APLF: variants seen among roughly 807,000 people sequenced by gnomAD.
APLF encodes the protein aprataxin and PNK-like factor.
A neutral mutation model predicts 55.6 loss-of-function variants in APLF; 61 were observed. The ratio of observed to expected loss-of-function variants is 1.10; its 90% CI spans 0.89 to 1.36. The LOEUF (loss-of-function observed/expected upper bound fraction) is 1.36. Among genes scored for constraint, APLF ranks in the 40% most tolerant of loss-of-function variants. The pLI is 0.00. For missense variants in APLF, 611 were observed against 602.5 expected (o/e 1.01, Z -0.15); for synonymous variants, 207 against 214.8 (o/e 0.96, Z 0.32).
chr2:68,499,014 T>TAA (rs201129000), intron 2 of APLF, among the ~76,000 whole-genome samples: 3,841 of 147,702 alleles, frequency 0.026, 65 homozygotes, highest in South Asian at 0.044. Flanking sequence ...CTTATTTTGT[T>TAA]AAAAAAAAAA....
At chr2:68,549,155 T>C (rs575652615) in intron 8 of APLF, among the ~76,000 whole-genome samples, 2 of 152,206 alleles carry the variant, frequency 1.3e-5, no homozygotes, top group African/African-American at 4.8e-5. Context: ...TCTTAACTTA[T>C]TTAATCAATA....
At chr2:68,572,829 ACT>A (rs1671505265) in intron 9 of APLF, among the ~76,000 whole-genome samples, 1 of 151,434 alleles carries the variant, frequency 6.6e-6, no homozygotes, top group Admixed American at 6.6e-5. Context: ...ACAGAGCAAC[ACT>A]CTGTCTCAAC....
At chr2:68,520,937 A>G (rs955501986) in intron 5 of APLF, among the ~76,000 whole-genome samples, 9 of 151,910 alleles carry the variant, frequency 5.9e-5, no homozygotes, top group African/African-American at 2.2e-4. Flanking sequence ...TGTTGATTCT[A>G]CCGATCCATA....
chr2:68,504,177 C>A (rs193213066), intron 3 of APLF, among the ~76,000 whole-genome samples: 6 of 152,004 alleles, frequency 3.9e-5, no homozygotes, highest in Non-Finnish European at 8.8e-5. Flanking sequence ...AAATTGAATT[C>A]ATAATTTAAG....
intron 8 of APLF, among the ~76,000 whole-genome samples, chr2:68,565,176 A>G (rs879871289): frequency 2.6e-5 from 4 of 151,934 alleles, no homozygotes; most frequent in Non-Finnish European, 5.9e-5. Flanking sequence ...TATCTCGGAA[A>G]ATAGATTTCA....
chr2:68,524,768 A>G (rs1174107056), intron 5 of APLF, among the ~76,000 whole-genome samples: 2 of 152,364 alleles, frequency 1.3e-5, no homozygotes, highest in Admixed American at 1.3e-4. Flanking sequence ...GCACAGTTGA[A>G]GGTACTGGAG....
chr2:68,503,179 G>C (rs11893497), intron 3 of APLF, among the ~76,000 whole-genome samples: 23,525 of 152,088 alleles, frequency 0.15, 4,056 homozygotes, highest in African/African-American at 0.43. Flanking sequence ...CCATTGTATT[G>C]AGAATGTATT....
At chr2:68,556,008 C>T (rs1670998833) in intron 8 of APLF, among the ~76,000 whole-genome samples, 1 of 152,164 alleles carries the variant, frequency 6.6e-6, no homozygotes. Context: ...TGATGGAATA[C>T]TACTCAACTG....
chr2:68,563,452 A>AACATTCCCAGT, intron 8 of APLF: 1 of 769,006 alleles, frequency 1.3e-6, no homozygotes, highest in Non-Finnish European at 1.6e-6. Context: ...GCAACTGGGA[A>AACATTCCCAGT]TGTTTTCCAG....
intron 8 of APLF, among the ~76,000 whole-genome samples, chr2:68,559,016 T>A (rs149236444): frequency 1.4e-4 from 21 of 152,340 alleles, no homozygotes; most frequent in African/African-American, 5.0e-4. Flanking sequence ...CAGTGTCTAG[T>A]TAATCTTTAG....
At chr2:68,526,298 A>C (rs1670044158) in intron 6 of APLF, 56 bp downstream of exon 6, 2 of 1,540,420 alleles carry the variant, frequency 1.3e-6, no homozygotes, top group East Asian at 2.3e-5. Flanking sequence ...TTTAGATAGA[A>C]ATTAATCATA....
At position 68,545,177 on chromosome 2, in the gene APLF, GC is replaced by G; in HGVS notation, c.1161-7del. ...TTTTTTTTCTGACAGTATATTTGTC[GC>G]CCTCCTAGGAAGAATCCTGTTCATT... On this transcript the variant is annotated splice_polypyrimidine_tract_variant and intron_variant, in intron 7 of 9. Transcript: ENST00000303795. 1 of 1,608,572 alleles carries G rather than the reference GC, an allele frequency of 6.2e-7. No individual in the cohort carries two copies. The highest frequency in any genetic ancestry group is 8.5e-7 in the Non-Finnish European group (1 of 1,177,624).
intron 6 of APLF, among the ~76,000 whole-genome samples, chr2:68,537,265 C>G (rs1035342528): frequency 1.3e-5 from 2 of 151,196 alleles, no homozygotes; most frequent in Non-Finnish European, 2.9e-5. Flanking sequence ...CAAATGAAAG[C>G]AAATGTCTTC....
intron 3 of APLF, among the ~76,000 whole-genome samples, chr2:68,510,157 T>G (rs1001252067): frequency 1.3e-5 from 2 of 151,744 alleles, no homozygotes; most frequent in Non-Finnish European, 2.9e-5. Context: ...ACATGGCACA[T>G]GTATACATAT....
At chr2:68,526,360 C>T (rs1670046427) in intron 6 of APLF, 118 bp downstream of exon 6, 1 of 1,415,144 alleles carries the variant, frequency 7.1e-7, no homozygotes, top group African/African-American at 1.4e-5. Context: ...TTTATGAAGA[C>T]AAAACTAGCC....
At chr2:68,552,146 G>A (rs956060989) in intron 8 of APLF, among the ~76,000 whole-genome samples, 1 of 152,036 alleles carries the variant, frequency 6.6e-6, no homozygotes, top group Non-Finnish European at 1.5e-5. Context: ...TTGAGGGGAG[G>A]CTAGTTATGT....
intron 5 of APLF, among the ~76,000 whole-genome samples, chr2:68,525,742 CTTTTTTTTTT>C (rs386390398): frequency 7.3e-5 from 6 of 82,036 alleles, no homozygotes; most frequent in Admixed American, 1.5e-4. Context: ...TTCTTTCTTT[CTTTTTTTTTT>C]TTTTTTTTTT....
intron 4 of APLF, 75 bp from the exon 5 acceptor site, chr2:68,513,470 GTAT>G: frequency 6.7e-7 from 1 of 1,482,122 alleles, no homozygotes; most frequent in Non-Finnish European, 9.3e-7. Context: ...TTTAATGGTA[GTAT>G]TCTGCAAAGC....
chr2:68,484,903 CAG>C (rs1194227204), intron 1 of APLF, among the ~76,000 whole-genome samples: 1 of 151,728 alleles, frequency 6.6e-6, no homozygotes, highest in Non-Finnish European at 1.5e-5. Flanking sequence ...CTACAAGTAA[CAG>C]AAATTTGACA....
Sources: gnomAD v4.1 joint callset for allele counts (sites outside exome capture counted in the v4.1 genomes callset) on GRCh38, gnomAD v4.1.1 for gene constraint, MANE v1.5 for transcripts, NCBI Gene and HGNC (gene_info 2026-07-23, HGNC 2026-07-21) for gene names.